Variants in KHDRBS2 observed in about 807,000 individuals in gnomAD.
KHDRBS2 encodes KH domain-containing, RNA-binding, signal transduction-associated protein 2.
Under a neutral mutation model 44.3 loss-of-function variants are expected in KHDRBS2, and 26 were observed. That is an observed-to-expected ratio of 0.59 (90% CI 0.43 to 0.81). The LOEUF (loss-of-function observed/expected upper bound fraction) is 0.81, where lower values mean the gene tolerates loss of function less well. Among genes scored for constraint, KHDRBS2 ranks in the 40% least tolerant of loss-of-function variants. The pLI, the probability that KHDRBS2 is intolerant of heterozygous loss-of-function variation, is 0.00. For missense variants in KHDRBS2, 476 were observed against 433.1 expected (o/e 1.10, Z -0.88); for synonymous variants, 194 against 151.1 (o/e 1.28, Z -2.08).
At chr6:62,172,720 C>T (rs1161362752) in intron 2 of KHDRBS2, among the ~76,000 whole-genome samples, 1 of 39,326 alleles carries the variant, frequency 2.5e-5, no homozygotes, top group African/African-American at 8.2e-5. Flanking sequence ...AAAAAAAAAA[C>T]CTGGAATCAT....
the KHDRBS2 span, among the ~76,000 whole-genome samples, chr6:61,564,721 G>A: frequency 6.6e-6 from 1 of 152,066 alleles, no homozygotes; most frequent in Non-Finnish European, 1.5e-5. Flanking sequence ...TGTGTAAAAT[G>A]TTTCAGTATT....
At chr6:62,051,319 A>G (rs1390056730) in intron 2 of KHDRBS2, among the ~76,000 whole-genome samples, 2 of 152,084 alleles carry the variant, frequency 1.3e-5, no homozygotes, top group East Asian at 3.9e-4. Context: ...TATTTTTGAA[A>G]TAACATCATA....
chr6:62,157,786 T>C (rs1474671994), intron 2 of KHDRBS2, among the ~76,000 whole-genome samples: 1 of 152,230 alleles, frequency 6.6e-6, no homozygotes, highest in Admixed American at 6.5e-5. Flanking sequence ...GAAATAATGT[T>C]TTAAAACTGT....
chr6:61,543,263 G>GA, the KHDRBS2 span, among the ~76,000 whole-genome samples: 3 of 151,924 alleles, frequency 2.0e-5, no homozygotes, highest in African/African-American at 2.4e-5. Context: ...AACTCTACAG[G>GA]AAAAAATCTC....
the KHDRBS2 span, among the ~76,000 whole-genome samples, chr6:61,603,577 C>T: frequency 3.4e-4 from 52 of 152,292 alleles, no homozygotes; most frequent in African/African-American, 1.1e-3. Flanking sequence ...ATGTTTTAGC[C>T]TAGCCTCATG....
At chr6:61,649,693 C>A in the KHDRBS2 span, among the ~76,000 whole-genome samples, 1 of 152,104 alleles carries the variant, frequency 6.6e-6, no homozygotes, top group Non-Finnish European at 1.5e-5. Context: ...TCCTCCATTT[C>A]CAATCCAAAC....
At chr6:61,805,792 A>G (rs1268753734) in intron 6 of KHDRBS2, among the ~76,000 whole-genome samples, 1 of 152,204 alleles carries the variant, frequency 6.6e-6, no homozygotes, top group Non-Finnish European at 1.5e-5. Context: ...TCTATGATCT[A>G]ATCACCTCCT....
intron 6 of KHDRBS2, among the ~76,000 whole-genome samples, chr6:61,752,827 G>T (rs570345608): frequency 6.6e-6 from 1 of 151,984 alleles, no homozygotes; most frequent in East Asian, 1.9e-4. Context: ...AAAATGAAGC[G>T]AATTATTTGA....
At chr6:61,866,836 A>G (rs915841585) in intron 6 of KHDRBS2, among the ~76,000 whole-genome samples, 2 of 152,236 alleles carry the variant, frequency 1.3e-5, no homozygotes, top group African/African-American at 4.8e-5. Context: ...GCTAAAACAT[A>G]ACAAGAGTCA....
At chr6:61,667,321 G>T in the KHDRBS2 span, among the ~76,000 whole-genome samples, 1 of 150,464 alleles carries the variant, frequency 6.6e-6, no homozygotes, top group Non-Finnish European at 1.5e-5. Context: ...AAATTAGAAT[G>T]TTTCCATTTA....
At chr6:61,756,581 C>T (rs544702834) in intron 6 of KHDRBS2, among the ~76,000 whole-genome samples, 123 of 152,246 alleles carry the variant, frequency 8.1e-4, no homozygotes, top group African/African-American at 3.0e-3. Flanking sequence ...TTTAGTGTTT[C>T]AGAGTTTACA....
At chr6:62,085,901 T>C (rs1798291036) in intron 2 of KHDRBS2, among the ~76,000 whole-genome samples, 1 of 152,086 alleles carries the variant, frequency 6.6e-6, no homozygotes, top group Non-Finnish European at 1.5e-5. Context: ...AAAAAGAGTA[T>C]CTGACAAAGT....
intron 6 of KHDRBS2, among the ~76,000 whole-genome samples, chr6:61,873,651 A>T (rs1400465476): frequency 6.6e-6 from 1 of 151,870 alleles, no homozygotes; most frequent in Non-Finnish European, 1.5e-5. Flanking sequence ...AAAAAGAGAA[A>T]CTATCCAAAT....
At chr6:61,652,940 G>C in the KHDRBS2 span, among the ~76,000 whole-genome samples, 4 of 152,066 alleles carry the variant, frequency 2.6e-5, no homozygotes, top group African/African-American at 9.7e-5. Context: ...GCAAAGCTCT[G>C]AGTCTAATTG....
the KHDRBS2 span, among the ~76,000 whole-genome samples, chr6:61,595,242 T>A: frequency 6.6e-6 from 1 of 152,156 alleles, no homozygotes; most frequent in Non-Finnish European, 1.5e-5. Flanking sequence ...GAAAGGAAAT[T>A]AGTGTCTCAA....
At chr6:61,974,201 G>A (rs966207582) in intron 4 of KHDRBS2, among the ~76,000 whole-genome samples, 2 of 152,126 alleles carry the variant, frequency 1.3e-5, no homozygotes, top group South Asian at 2.1e-4. Context: ...GTAACATACT[G>A]AGAAGGATTA....
intron 6 of KHDRBS2, among the ~76,000 whole-genome samples, chr6:61,762,050 T>C (rs996131107): frequency 1.3e-5 from 2 of 152,192 alleles, no homozygotes; most frequent in Non-Finnish European, 2.9e-5. Context: ...ATTTAGATAC[T>C]AATACAAAAT....
intron 2 of KHDRBS2, among the ~76,000 whole-genome samples, chr6:62,150,875 G>A (rs1815013591): frequency 6.6e-6 from 1 of 152,140 alleles, no homozygotes. Flanking sequence ...GCAACTGACA[G>A]ATCTCTGTCT....
At chr6:61,918,492 C>A (rs1391746037) in intron 4 of KHDRBS2, among the ~76,000 whole-genome samples, 1 of 151,848 alleles carries the variant, frequency 6.6e-6, no homozygotes, top group African/African-American at 2.4e-5. Flanking sequence ...AGGAGATACA[C>A]CAAAACATAC....
Sources: allele counts gnomAD v4.1 joint callset (sites outside exome capture counted in the v4.1 genomes callset), GRCh38; gene constraint gnomAD v4.1.1; transcripts MANE v1.5; gene names NCBI Gene and HGNC (gene_info 2026-07-23, HGNC 2026-07-21).